CDK17: variants seen among roughly 807,000 people sequenced by gnomAD.
CDK17 encodes cyclin-dependent kinase 17.
A neutral mutation model predicts 77.6 loss-of-function variants in CDK17; 24 were observed. The observed-to-expected ratio is 0.31, with a 90% CI of 0.22 to 0.44. The LOEUF (loss-of-function observed/expected upper bound fraction) is 0.44, where lower values mean the gene tolerates loss of function less well. CDK17 is among the 20% of genes least tolerant of loss of function. The pLI is 1.00. For synonymous variants in CDK17, 203 were observed against 210.4 expected (o/e 0.96, Z 0.30); for missense variants, 429 against 622.5 (o/e 0.69, Z 3.31).
rs1491120801 is a variant in CDK17 at position 96,368,806 on chromosome 12, C to CT, written c.-30+31179_-30+31180insA. Among the ~76,000 whole-genome samples, 57 of 67,514 alleles carry CT rather than the reference C, an allele frequency of 8.4e-4. 12 individuals carry two copies. The highest frequency in any genetic ancestry group is 3.2e-3 in the East Asian group (1 of 312). 44.3% of individuals were successfully genotyped at this position (67,514 alleles called of 152,430 possible). ...AATTTAGAAAGAAGCTACTCTAAGACGGGGGGGGGGGGGGGGGGCACAATG... is the reference window on the plus strand; with the variant it reads ...AATTTAGAAAGAAGCTACTCTAAGACTGGGGGGGGGGGGGGGGGGCACAATG... On this transcript the variant is annotated intron_variant, in intron 1 of 16. Transcript: ENST00000261211.
At chr12:96,289,826 C>T (rs139768494) in intron 10 of CDK17, among the ~76,000 whole-genome samples, 2 of 152,274 alleles carry the variant, frequency 1.3e-5, no homozygotes, top group East Asian at 3.9e-4. Flanking sequence ...AATAAAATTA[C>T]AGTGCTGTTC....
At chr12:96,314,363 GTTTTATTTTA>G (rs71907418) in intron 3 of CDK17, among the ~76,000 whole-genome samples, 8 of 151,902 alleles carry the variant, frequency 5.3e-5, no homozygotes, top group East Asian at 1.9e-4. Flanking sequence ...GTTTTGTTTT[GTTTTATTTTA>G]TTTTATTTTT....
intron 5 of CDK17, among the ~76,000 whole-genome samples, chr12:96,306,887 A>G (rs1006168632): frequency 6.6e-6 from 1 of 152,216 alleles, no homozygotes; most frequent in African/African-American, 2.4e-5. Context: ...TGTATTTCCA[A>G]AAAGTATGCT....
chr12:96,291,986 G>A (rs1475050500), intron 10 of CDK17, among the ~76,000 whole-genome samples: 5 of 152,122 alleles, frequency 3.3e-5, no homozygotes, highest in Non-Finnish European at 7.4e-5. Context: ...AAAGGAAATA[G>A]TGGCTGGGGG....
intron 1 of CDK17, among the ~76,000 whole-genome samples, chr12:96,380,076 G>A (rs998204291): frequency 6.6e-6 from 1 of 151,546 alleles, no homozygotes; most frequent in African/African-American, 2.4e-5. Context: ...GGCTGAGGTG[G>A]GAGGATCACC....
chr12:96,282,431 C>T, intron 15 of CDK17, 78 bp downstream of exon 15: 1 of 861,962 alleles, frequency 1.2e-6, no homozygotes, highest in South Asian at 1.5e-5. Flanking sequence ...AATCAATAGC[C>T]ATCTCCCCAA....
intron 1 of CDK17, among the ~76,000 whole-genome samples, chr12:96,362,731 C>G (rs1953514657): frequency 6.6e-6 from 1 of 152,192 alleles, no homozygotes; most frequent in Non-Finnish European, 1.5e-5. Context: ...GCCCTTGGCT[C>G]TAACCACATA....
chr12:96,386,807 C>G (rs1162554182), intron 1 of CDK17: 1 of 154,548 alleles, frequency 6.5e-6, no homozygotes, highest in Non-Finnish European at 1.5e-5. Flanking sequence ...TCACATATTA[C>G]CTTGAAACAG....
intron 11 of CDK17, 116 bp downstream of exon 11, chr12:96,289,051 C>T: frequency 9.2e-7 from 1 of 1,085,074 alleles, no homozygotes; most frequent in Non-Finnish European, 1.3e-6. Context: ...ATCACTGTTA[C>T]ATTATGGCTC....
chr12:96,322,133 C>A (rs571243724), intron 3 of CDK17, among the ~76,000 whole-genome samples: 1 of 152,088 alleles, frequency 6.6e-6, no homozygotes, highest in Non-Finnish European at 1.5e-5. Flanking sequence ...GACTACCAGT[C>A]GGTATTTTCA....
At position 96,397,110 on chromosome 12, in the gene CDK17, A is replaced by C. The variant is rs537924737; in HGVS notation, c.-30+2876T>G. Reference sequence around the variant, plus strand: ...AAAGAAGGAAAATATTGCTGAAAATAAGGAAAAAAACAAGCCTCAACAAAG... The same window carrying C: ...AAAGAAGGAAAATATTGCTGAAAATCAGGAAAAAAACAAGCCTCAACAAAG... On this transcript the variant is annotated intron_variant, in intron 1 of 16. Coordinates refer to ENST00000261211, the MANE Select transcript of CDK17 (RefSeq NM_002595.5). Among the ~76,000 whole-genome samples the C allele has an allele frequency of 2.0e-5, 3 of 152,310 alleles. No homozygotes were observed. The East Asian group carries it at 5.8e-4, about 29-fold the overall frequency.
intron 5 of CDK17, among the ~76,000 whole-genome samples, chr12:96,306,428 TTATATA>T (rs1028955309): frequency 2.7e-5 from 4 of 150,544 alleles, no homozygotes; most frequent in Non-Finnish European, 5.9e-5. Context: ...AAAAAAAAAA[TTATATA>T]TATATATGAG....
At chr12:96,356,913 C>T (rs1232056112) in intron 1 of CDK17, among the ~76,000 whole-genome samples, 2 of 152,172 alleles carry the variant, frequency 1.3e-5, no homozygotes, top group African/African-American at 4.8e-5. Flanking sequence ...TTAAATGTCA[C>T]TCGGAATGTA....
chr12:96,370,402 G>T (rs576135864), intron 1 of CDK17, among the ~76,000 whole-genome samples: 1 of 152,294 alleles, frequency 6.6e-6, no homozygotes, highest in East Asian at 1.9e-4. Context: ...ATTTATAGTA[G>T]AAGTTACCTG....
intron 1 of CDK17, among the ~76,000 whole-genome samples, chr12:96,379,655 C>A (rs896798120): frequency 6.6e-6 from 1 of 151,964 alleles, no homozygotes; most frequent in African/African-American, 2.4e-5. Flanking sequence ...GTCTCAAACT[C>A]CTGGGCTCAA....
At chr12:96,343,226 G>C (rs1181957260) in intron 1 of CDK17, among the ~76,000 whole-genome samples, 2 of 152,196 alleles carry the variant, frequency 1.3e-5, no homozygotes, top group Non-Finnish European at 2.9e-5. Flanking sequence ...TATCTTCCAA[G>C]TATGGAACCT....
intron 4 of CDK17, among the ~76,000 whole-genome samples, chr12:96,312,373 A>C (rs1282210670): frequency 6.6e-6 from 1 of 152,178 alleles, no homozygotes; most frequent in Non-Finnish European, 1.5e-5. Flanking sequence ...GAAGAATGAG[A>C]AACTCCAGAT....
At chr12:96,388,082 C>T (rs1197625086) in intron 1 of CDK17, among the ~76,000 whole-genome samples, 1 of 151,470 alleles carries the variant, frequency 6.6e-6, no homozygotes, top group Non-Finnish European at 1.5e-5. Flanking sequence ...CCAGCCTGGG[C>T]AACATAGTGA....
intron 1 of CDK17, among the ~76,000 whole-genome samples, chr12:96,372,003 G>C (rs1565840438): frequency 7.9e-6 from 1 of 126,916 alleles, no homozygotes; most frequent in Non-Finnish European, 1.9e-5. Context: ...GTGTGAGTGA[G>C]TGTGTGTTTG....
Sources: allele counts gnomAD v4.1 joint callset (sites outside exome capture counted in the v4.1 genomes callset), GRCh38; gene constraint gnomAD v4.1.1; transcripts MANE v1.5; gene names NCBI Gene and HGNC (gene_info 2026-07-23, HGNC 2026-07-21).